CRYBG3: variants seen among roughly 807,000 people sequenced by gnomAD.
CRYBG3 encodes very large A-kinase anchor protein.
A neutral mutation model predicts 244.2 loss-of-function variants in CRYBG3; 127 were observed. The ratio of observed to expected loss-of-function variants is 0.52; its 90% CI spans 0.45 to 0.60. The LOEUF is 0.60. Ranked by LOEUF, CRYBG3 falls within the 20% of genes least tolerant of loss-of-function variation. CRYBG3 has a pLI of 0.00. For synonymous variants in CRYBG3, 1,132 were observed against 1,195.8 expected (o/e 0.95, Z 1.10); for missense variants, 3,325 against 3,442.5 (o/e 0.97, Z 0.85).
Position 97,872,506 on chromosome 3 carries a change from T to G in CRYBG3, c.1312T>G (p.Ser438Ala). Residue 438 changes from serine (S) to alanine (A), a missense_variant, in exon 4 of 22, where the codon TCT (serine) becomes GCT (alanine). Transcript: ENST00000389622. ...EPQGPAISDF[S>A]CSKSDGSDTT... is the part of the protein sequence containing the mutation. ...TCAGGGCCCTGCTATTTCTGATTTCTCTTGTAGTAAATCTGATGGGAGTGA... is the reference window on the plus strand; with the variant it reads ...TCAGGGCCCTGCTATTTCTGATTTCGCTTGTAGTAAATCTGATGGGAGTGA... 1 of 1,535,992 alleles carries G rather than the reference T, an allele frequency of 6.5e-7. No homozygotes were observed. The highest frequency in any genetic ancestry group is 8.7e-7 in the Non-Finnish European group (1 of 1,146,824).
intron 17 of CRYBG3, among the ~76,000 whole-genome samples, chr3:97,916,796 T>C (rs139836476): frequency 6.6e-6 from 1 of 152,188 alleles, no homozygotes; most frequent in East Asian, 1.9e-4. Flanking sequence ...ATATAAATAG[T>C]GTTCTTGGTC....
chr3:97,851,546 A>G (rs1576520811), intron 2 of CRYBG3, among the ~76,000 whole-genome samples: 2 of 152,356 alleles, frequency 1.3e-5, no homozygotes, highest in East Asian at 1.9e-4. Context: ...CAAAGAGAGC[A>G]AGGGATAAGT....
intron 3 of CRYBG3, among the ~76,000 whole-genome samples, 187 bp from the exon 4 acceptor site, chr3:97,871,655 G>A (rs1228225619): frequency 2.6e-5 from 4 of 152,150 alleles, no homozygotes; most frequent in Admixed American, 2.6e-4. Flanking sequence ...TGACATTCAG[G>A]TGCTACTTGT....
At chr3:97,843,409 C>T in intron 2 of CRYBG3, 148 bp downstream of exon 2, 2 of 587,384 alleles carry the variant, frequency 3.4e-6, no homozygotes, top group Admixed American at 6.0e-5. Flanking sequence ...TTGTCAGACA[C>T]TTGCATCAGG....
chr3:97,898,915 A>G lies in CRYBG3; in HGVS notation c.7734A>G (p.Glu2578=). 1.2e-6 allele frequency: 2 copies of G among 1,605,574 alleles called. No homozygotes were observed. Among genetic ancestry groups the G allele is most frequent in the Non-Finnish European group, 1.7e-6 (2 of 1,175,272 alleles). ...NFIESSVTLF[E]SDLESGKFID... ...TAGAATCTTCTGTCACACTATTTGA[A>G]TCTGACCTAGAAAGTGGGAAGTTTA... The change falls in exon 13 of 22, where the codon GAA becomes GAG. Residue 2578 remains glutamate (E), a synonymous_variant. Transcript: ENST00000389622.
At chr3:97,832,451 A>G (rs1413359295) in intron 1 of CRYBG3, among the ~76,000 whole-genome samples, 1 of 152,194 alleles carries the variant, frequency 6.6e-6, no homozygotes, top group Non-Finnish European at 1.5e-5. Flanking sequence ...CAAACCTGAC[A>G]AAAACAAGCA....
At position 97,822,274 on chromosome 3, in the gene CRYBG3, G is replaced by A. The variant is rs2038511090; in HGVS notation, c.68G>A (p.Ser23Asn). 1 of 1,531,074 alleles carries A rather than the reference G, an allele frequency of 6.5e-7. No homozygotes were observed. The highest frequency in any genetic ancestry group is 1.4e-5 in the African/African-American group (1 of 72,682). The allele number at this position is 1,531,074 out of a possible 1,614,324, so 94.8% of individuals were successfully genotyped here. The change falls in exon 1 of 22, where the codon AGT becomes AAT. Residue 23 changes from serine to asparagine, a missense_variant. By Grantham distance (46) the Ser-to-Asn change is conservative. This residue lies in a region of CRYBG3 where 1,526 missense variants were observed against 1,443.2 expected (regional missense o/e 1.06). Coordinates refer to ENST00000389622, the MANE Select transcript of CRYBG3 (RefSeq NM_153605.4). ...HSFSRFFAPR[S>N]PSRDKEEEEE... is the part of the protein sequence containing the mutation. ...TTCTCCCGGTTCTTCGCTCCCCGAA[G>A]TCCTTCCCGGGACAAGGAAGAGGAA...
chr3:97,874,521 T>C lies in CRYBG3; in HGVS notation c.3327T>C (p.Tyr1109=). 1 of 1,535,032 alleles carries C rather than the reference T, an allele frequency of 6.5e-7. No individual in the cohort carries two copies. The highest frequency in any genetic ancestry group is 8.7e-7 in the Non-Finnish European group (1 of 1,146,480). ...VTNLLYPTTS[Y]LEFETSVSIG... ...ACCTGTTGTACCCTACTACCTCTTA[T>C]TTGGAATTTGAAACGTCTGTCTCAA... Residue 1109 remains tyrosine, a synonymous_variant, in exon 4 of 22, where the codon TAT becomes TAC. Coordinates refer to ENST00000389622, the MANE Select transcript of CRYBG3 (RefSeq NM_153605.4).
chr3:97,899,493 T>C (rs527974219), intron 14 of CRYBG3, among the ~76,000 whole-genome samples: 1 of 152,354 alleles, frequency 6.6e-6, no homozygotes, highest in African/African-American at 2.4e-5. Flanking sequence ...AGCATTTATT[T>C]AGTGTCTCTG....
rs1055760081 is a variant in CRYBG3 at position 97,943,544 on chromosome 3, A to G, written c.*230A>G. ...AAGAAAATATTATGATATCTTGGAAAGGTTCTATTCCTGATCTCCAGCTGT... is the reference window on the plus strand; with the variant it reads ...AAGAAAATATTATGATATCTTGGAAGGGTTCTATTCCTGATCTCCAGCTGT... On this transcript the variant is annotated 3_prime_UTR_variant, in exon 22 of 22. Coordinates refer to ENST00000389622, the MANE Select transcript of CRYBG3 (RefSeq NM_153605.4). 1 of 471,776 alleles carries G rather than the reference A, an allele frequency of 2.1e-6. No individual in the cohort carries two copies. The allele number at this position is 471,776 out of a possible 1,614,324, so 29.2% of individuals were successfully genotyped here. A position where few individuals can be genotyped will look rare whatever the true frequency, so the allele number is the denominator to read the frequency against.
chr3:97,854,784 A>G (rs1412450318), intron 2 of CRYBG3, among the ~76,000 whole-genome samples: 1 of 152,074 alleles, frequency 6.6e-6, no homozygotes, highest in Non-Finnish European at 1.5e-5. Context: ...TAGAAACACG[A>G]TCATATCATC....
intron 17 of CRYBG3, among the ~76,000 whole-genome samples, chr3:97,924,794 T>G (rs1170262741): frequency 6.6e-6 from 1 of 152,118 alleles, no homozygotes; most frequent in African/African-American, 2.4e-5. Context: ...CTCAAGGTCC[T>G]TAATTACTAA....
intron 17 of CRYBG3, chr3:97,933,453 T>C (rs773695372): frequency 4.5e-5 from 25 of 558,904 alleles, no homozygotes; most frequent in Admixed American, 1.9e-4. Context: ...TTATGGCTGT[T>C]TTTATTATGA....
intron 11 of CRYBG3, 89 bp from the exon 12 acceptor site, chr3:97,895,870 C>A: frequency 2.5e-6 from 3 of 1,176,624 alleles, no homozygotes; most frequent in Non-Finnish European, 2.4e-6. Flanking sequence ...GGAGATGAAC[C>A]ACTATGAGCT....
chr3:97,931,518 T>C (rs951924051), intron 17 of CRYBG3, among the ~76,000 whole-genome samples: 3 of 152,088 alleles, frequency 2.0e-5, no homozygotes, highest in Non-Finnish European at 4.4e-5. Context: ...ATTACCCAGA[T>C]TCTGAGAATT....
intron 4 of CRYBG3, among the ~76,000 whole-genome samples, chr3:97,878,979 A>G (rs1479781585): frequency 6.6e-6 from 1 of 152,206 alleles, no homozygotes; most frequent in Non-Finnish European, 1.5e-5. Context: ...AGGATGTCCA[A>G]GGCCTGTATT....
At position 97,875,207 on chromosome 3, in the gene CRYBG3, C is replaced by G; in HGVS notation, c.4013C>G (p.Ala1338Gly). Residue 1338 changes from alanine to glycine, a missense_variant, in exon 4 of 22, where the codon GCT becomes GGT. By Grantham distance (60) the Ala-to-Gly change is moderately conservative (BLOSUM62 0). Coordinates refer to ENST00000389622, the MANE Select transcript of CRYBG3 (RefSeq NM_153605.4). ...GATACTTGGGATTCTGAACTTCAGGCTAATACTTCAAAAATTCTGAACAGT... is the reference window on the plus strand; with the variant it reads ...GATACTTGGGATTCTGAACTTCAGGGTAATACTTCAAAAATTCTGAACAGT... ...TEDTWDSELQ[A>G]NTSKILNSDS... is the part of the protein sequence containing the mutation. The G allele has an allele frequency of 6.5e-7, 1 of 1,533,148 alleles. No homozygotes were observed. The highest frequency in any genetic ancestry group is 8.7e-7 in the Non-Finnish European group (1 of 1,145,950). The allele number at this position is 1,533,148 out of a possible 1,614,324, so 95.0% of individuals were successfully genotyped here.
intron 2 of CRYBG3, among the ~76,000 whole-genome samples, chr3:97,846,290 A>G (rs1424750074): frequency 6.6e-6 from 1 of 151,900 alleles, no homozygotes; most frequent in Non-Finnish European, 1.5e-5. Flanking sequence ...AGTTTCCATC[A>G]CTGATTTCTT....
At position 97,875,433 on chromosome 3, in the gene CRYBG3, GTC is replaced by G; in HGVS notation, c.4241_4242del (p.Ser1414Ter). On this transcript the variant is annotated frameshift_variant, in exon 4 of 22. Transcript: ENST00000389622. LOFTEE classifies it high-confidence loss of function. The stretch of plus-strand genomic sequence containing the variant: ...TATTTTCTGGAAATGGATCTGGACT[GTC>G]TGATAGTATAAATTTGCAGGAATCA... Reference protein sequence around the residue: ...SLFSGNGSGLSDSINLQESDT... With the variant: ...SLFSGNGSGLXDSINLQESDT... 7.4e-7 allele frequency: 1 copy of G among 1,348,500 alleles called. No homozygotes were observed. The highest frequency in any genetic ancestry group is 9.5e-7 in the Non-Finnish European group (1 of 1,057,636). The allele number at this position is 1,348,500 out of a possible 1,614,324, so 83.5% of individuals were successfully genotyped here.
Sources: gnomAD v4.1 joint callset for allele counts (sites outside exome capture counted in the v4.1 genomes callset) on GRCh38, gnomAD v4.1.1 for gene constraint, gnomAD v4.1.1 regional missense constraint, MANE v1.5 for transcripts, NCBI Gene and HGNC (gene_info 2026-07-23, HGNC 2026-07-21) for gene names.